The following XKR9 variants were observed in gnomAD, a reference collection of about 807,000 sequenced individuals.
XKR9 encodes the protein XK-related protein 9.
XKR9 carries 32 observed loss-of-function variants against 32.0 expected under a neutral mutation model. The observed-to-expected ratio is 1.00, with a 90% CI of 0.76 to 1.34. The LOEUF (loss-of-function observed/expected upper bound fraction) is 1.34. XKR9 is among the 40% of genes most tolerant of loss of function. XKR9 has a pLI of 0.00. For missense variants in XKR9, 546 were observed against 429.7 expected (o/e 1.27, Z -2.39); for synonymous variants, 168 against 143.4 (o/e 1.17, Z -1.22).
chr8:71,038,379 G>T, the XKR9 span, among the ~76,000 whole-genome samples: 1 of 144,782 alleles, frequency 6.9e-6, no homozygotes, highest in African/African-American at 2.6e-5. Context: ...GGAGTGCAGT[G>T]GCACAATCTT....
chr8:70,826,547 A>G, the XKR9 span, among the ~76,000 whole-genome samples: 2 of 152,250 alleles, frequency 1.3e-5, no homozygotes, highest in South Asian at 2.1e-4. Context: ...GCCATTTTCT[A>G]CCCAGGTAAA....
the XKR9 span, among the ~76,000 whole-genome samples, chr8:71,045,252 A>G: frequency 6.6e-6 from 1 of 152,210 alleles, no homozygotes; most frequent in Admixed American, 6.5e-5. Flanking sequence ...AGATTCCAAC[A>G]TATCCGCAAA....
the XKR9 span, among the ~76,000 whole-genome samples, chr8:70,870,767 T>C: frequency 6.6e-6 from 1 of 152,192 alleles, no homozygotes; most frequent in Non-Finnish European, 1.5e-5. Flanking sequence ...AAATTTCCAG[T>C]CCTATGAAAA....
the XKR9 span, among the ~76,000 whole-genome samples, chr8:70,824,431 T>C: frequency 6.6e-6 from 1 of 152,100 alleles, no homozygotes; most frequent in African/African-American, 2.4e-5. Context: ...TAGGTGTCTT[T>C]ATTTCCTGGC....
the XKR9 span, among the ~76,000 whole-genome samples, chr8:70,926,350 C>A: frequency 6.6e-6 from 1 of 152,186 alleles, no homozygotes; most frequent in Non-Finnish European, 1.5e-5. Flanking sequence ...GGATTACAGG[C>A]GTGAGCCACT....
intron 2 of XKR9, among the ~76,000 whole-genome samples, chr8:70,743,153 C>T (rs1044720099): frequency 3.3e-5 from 5 of 151,974 alleles, no homozygotes; most frequent in Non-Finnish European, 4.4e-5. Context: ...TGACATTTCC[C>T]GTATCTTCAA....
chr8:71,026,601 A>C, the XKR9 span, among the ~76,000 whole-genome samples: 1 of 152,214 alleles, frequency 6.6e-6, no homozygotes, highest in South Asian at 2.1e-4. Flanking sequence ...AATGCGTTGG[A>C]GTTATTTGCC....
At chr8:70,903,708 C>T in the XKR9 span, among the ~76,000 whole-genome samples, 1 of 152,136 alleles carries the variant, frequency 6.6e-6, no homozygotes, top group Non-Finnish European at 1.5e-5. Flanking sequence ...TCTTGCTTCT[C>T]TAGTTCTTTT....
chr8:70,866,958 G>T, the XKR9 span, among the ~76,000 whole-genome samples: 10 of 152,160 alleles, frequency 6.6e-5, no homozygotes, highest in Admixed American at 6.5e-4. Flanking sequence ...TATCATGGAG[G>T]TTAAATCAAT....
intron 4 of XKR9, among the ~76,000 whole-genome samples, chr8:70,729,237 G>A (rs13272523): frequency 0.4 from 61,336 of 152,078 alleles, 13,906 homozygotes; most frequent in Non-Finnish European, 0.52. Flanking sequence ...ATACTCACAA[G>A]TAGTTTCCAA....
chr8:71,043,007 A>T, the XKR9 span, among the ~76,000 whole-genome samples: 1 of 152,322 alleles, frequency 6.6e-6, no homozygotes, highest in African/African-American at 2.4e-5. Flanking sequence ...TGTCTCCCTG[A>T]CTTTTCCAGC....
chr8:70,900,264 C>A, the XKR9 span, among the ~76,000 whole-genome samples: 2 of 152,084 alleles, frequency 1.3e-5, no homozygotes, highest in Non-Finnish European at 2.9e-5. Context: ...GCATTCTTTA[C>A]CCCTGGCAGC....
chr8:70,741,173 G>A (rs548184179), intron 2 of XKR9, among the ~76,000 whole-genome samples: 1 of 152,260 alleles, frequency 6.6e-6, no homozygotes, highest in African/African-American at 2.4e-5. Context: ...CTGGGCAATG[G>A]TGGGTGTAGG....
chr8:70,757,866 C>T (rs957163744), intron 2 of XKR9, among the ~76,000 whole-genome samples: 3 of 152,182 alleles, frequency 2.0e-5, no homozygotes, highest in Admixed American at 2.0e-4. Flanking sequence ...AGATTACAGG[C>T]GTGAGCCACC....
the XKR9 span, among the ~76,000 whole-genome samples, chr8:70,955,949 C>T: frequency 3.3e-5 from 5 of 152,236 alleles, no homozygotes; most frequent in African/African-American, 1.2e-4. Flanking sequence ...ATGAGGGGGA[C>T]GTGGTGGCAC....
chr8:71,036,145 G>A, the XKR9 span, among the ~76,000 whole-genome samples: 5 of 152,096 alleles, frequency 3.3e-5, no homozygotes, highest in Admixed American at 6.6e-5. Flanking sequence ...ACATTTATAT[G>A]TTTTTCTCCT....
the XKR9 span, among the ~76,000 whole-genome samples, chr8:70,880,159 T>G: frequency 6.6e-6 from 1 of 152,010 alleles, no homozygotes; most frequent in South Asian, 2.1e-4. Context: ...ACACCCATAG[T>G]CAATATCATA....
intron 2 of XKR9, chr8:70,780,960 T>A (rs1400746451): frequency 6.6e-6 from 1 of 151,996 alleles, no homozygotes; most frequent in Non-Finnish European, 1.5e-5. Flanking sequence ...CCAACTTCAG[T>A]GATGCTGATG....
the XKR9 span, among the ~76,000 whole-genome samples, chr8:70,960,154 C>T: frequency 1.8e-4 from 27 of 151,558 alleles, no homozygotes; most frequent in African/African-American, 6.3e-4. Flanking sequence ...CTGAGGCAGG[C>T]GAATCACTTG....
Sources: gnomAD v4.1 joint callset for allele counts (sites outside exome capture counted in the v4.1 genomes callset) on GRCh38, gnomAD v4.1.1 for gene constraint, MANE v1.5 for transcripts, NCBI Gene and HGNC (gene_info 2026-07-23, HGNC 2026-07-21) for gene names.